The following FSIP2 variants were observed in gnomAD, a reference collection of about 807,000 sequenced individuals.
FSIP2 encodes the protein fibrous sheath-interacting protein 2.
FSIP2 carries 367 observed loss-of-function variants against 510.5 expected under a neutral mutation model. The ratio of observed to expected loss-of-function variants is 0.72; its 90% confidence interval spans 0.66 to 0.78. The LOEUF (loss-of-function observed/expected upper bound fraction) is 0.78, where lower values mean the gene tolerates loss of function less well. Ranked by LOEUF, FSIP2 falls within the 30% of genes least tolerant of loss-of-function variation. The pLI is 0.00. For synonymous variants in FSIP2, 2,601 were observed against 2,732.2 expected (o/e 0.95, Z 1.50); for missense variants, 7,594 against 7,901.7 (o/e 0.96, Z 1.48).
chr2:185,758,148 A>G (rs1288846565), intron 9 of FSIP2, among the ~76,000 whole-genome samples: 2 of 151,326 alleles, frequency 1.3e-5, no homozygotes, highest in African/African-American at 2.4e-5. Context: ...AATTCATCCA[A>G]GTTACAGCAT....
At position 185,791,615 on chromosome 2, in the gene FSIP2, A is replaced by C. The variant is rs964274988; in HGVS notation, c.4479A>C (p.Ala1493=). ...ISKAILDYIL[A]KLCGVDMDTS... ...AAGCAATTTTGGATTATATCCTTGC[A>C]AAATTATGTGGTGTTGACATGGATA... The change falls in exon 16 of 23, where the codon GCA becomes GCC. Residue 1493 remains alanine, a synonymous_variant. Transcript: ENST00000424728. The C allele has an allele frequency of 4.6e-6, 7 of 1,534,100 alleles. No individual in the cohort carries two copies. In the African/African-American group the frequency reaches 8.2e-5, roughly 18 times the overall value.
chr2:185,790,258 C>A lies in FSIP2; in HGVS notation c.3122C>A (p.Thr1041Asn), dbSNP rs1230092931. The A allele has an allele frequency of 6.5e-7, 1 of 1,533,020 alleles. No individual in the cohort carries two copies. The highest frequency in any genetic ancestry group is 1.4e-5 in the African/African-American group (1 of 72,890). The allele number at this position is 1,533,020 out of a possible 1,614,324, so 95.0% of individuals were successfully genotyped here. A position where few individuals can be genotyped will look rare whatever the true frequency, so the allele number is the denominator to read the frequency against. Residue 1041 changes from threonine (T) to asparagine (N), a missense_variant, in exon 16 of 23, where the codon ACT becomes AAT. Transcript: ENST00000424728. Reference sequence around the variant, plus strand: ...AATCATTGGTTTACAAAGGGAAACACTTGTTTTGAATGCAAAAGAAATATC... The same window carrying A: ...AATCATTGGTTTACAAAGGGAAACAATTGTTTTGAATGCAAAAGAAATATC... The part of the protein sequence containing the change: ...IPNHWFTKGN[T>N]CFECKRNIKP...
chr2:185,813,906 C>A lies in FSIP2; in HGVS notation c.20189C>A (p.Thr6730Asn), dbSNP rs17826666. Residue 6730 changes from threonine to asparagine, a missense_variant, in exon 18 of 23, where the codon ACT becomes AAT. Transcript: ENST00000424728. ...QTTASANIES[T>N]EAISNQVIES... Reference sequence around the variant, plus strand: ...ACAGCCAGTGCAAATATTGAAAGTACTGAAGCAATCTCAAATCAGGTAATA... The same window carrying A: ...ACAGCCAGTGCAAATATTGAAAGTAATGAAGCAATCTCAAATCAGGTAATA... 4.3e-6 allele frequency: 7 copies of A among 1,613,528 alleles called. No homozygotes were observed. The highest frequency in any genetic ancestry group is 5.9e-6 in the Non-Finnish European group (7 of 1,179,774).
At position 185,739,032 on chromosome 2, in the gene FSIP2, G is replaced by A. The variant is rs1316591178; in HGVS notation, c.99+39G>A. The A allele has an allele frequency of 2.0e-6, 3 of 1,518,072 alleles. No individual in the cohort carries two copies. The Admixed American group carries it at 6.1e-5, about 31-fold the overall frequency. 94.0% of individuals were successfully genotyped at this position (1,518,072 alleles called of 1,614,324 possible). A position where few individuals can be genotyped will look rare whatever the true frequency, so the allele number is the denominator to read the frequency against. ...AGCTGGGCGGCGTCGCCCTCTGGCG[G>A]CCGCAGGCCTGCTGGGGAGCGGGGC... On this transcript the variant is annotated intron_variant, in intron 1 of 22. Transcript: ENST00000424728.
At chr2:185,780,916 G>A in intron 13 of FSIP2, among the ~76,000 whole-genome samples, 1 of 152,136 alleles carries the variant, frequency 6.6e-6, no homozygotes, top group Non-Finnish European at 1.5e-5. Flanking sequence ...GGACAATACA[G>A]TTTCTGTGGA....
At chr2:185,751,825 A>T (rs984599963) in intron 7 of FSIP2, among the ~76,000 whole-genome samples, 7 of 151,072 alleles carry the variant, frequency 4.6e-5, no homozygotes, top group African/African-American at 1.2e-4. Flanking sequence ...ACCATTTCAC[A>T]TATAGTATAA....
rs553730437 is a variant in FSIP2 at position 185,830,643 on chromosome 2, T to C, written c.20518-1170T>C. ...TTCTTATGCTGTATTATTTATGGAA[T>C]AATGACAAGAACAATAAGTCTATAC... On this transcript the variant is annotated intron_variant, in intron 21 of 22. Coordinates refer to ENST00000424728, the MANE Select transcript of FSIP2 (RefSeq NM_173651.4). 1.7e-3 allele frequency among the ~76,000 whole-genome samples: 265 copies of C among 152,072 alleles called. 2 individuals are homozygous for C. Among genetic ancestry groups the C allele is most frequent in the Non-Finnish European group, 2.7e-3 (185 of 67,922 alleles).
chr2:185,753,162 T>G (rs1052306991), intron 7 of FSIP2, among the ~76,000 whole-genome samples: 1 of 151,522 alleles, frequency 6.6e-6, no homozygotes, highest in Middle Eastern at 3.4e-3. Context: ...GACTGTTTTC[T>G]CCAGTCCTTT....
In FSIP2 at chr2:185,791,886, G is replaced by T. The variant is rs943224251; in HGVS notation, c.4750G>T (p.Asp1584Tyr). ...HPNKLKAVASDILNMVFAKLE... is the reference protein window; with the variant it reads ...HPNKLKAVASYILNMVFAKLE... Reference sequence around the variant, plus strand: ...AAATAAACTAAAAGCTGTAGCTTCAGATATTCTTAATATGGTTTTTGCTAA... The same window carrying T: ...AAATAAACTAAAAGCTGTAGCTTCATATATTCTTAATATGGTTTTTGCTAA... The change falls in exon 16 of 23, where the codon GAT becomes TAT. Residue 1584 changes from aspartate (D) to tyrosine (Y), a missense_variant. Transcript: ENST00000424728. 1.3e-6 allele frequency: 2 copies of T among 1,533,950 alleles called. No homozygotes were observed. The highest frequency in any genetic ancestry group is 2.0e-5 in the Admixed American group (1 of 50,848).
intron 9 of FSIP2, among the ~76,000 whole-genome samples, chr2:185,758,168 G>C (rs1692280193): frequency 6.6e-6 from 1 of 151,174 alleles, no homozygotes; most frequent in African/African-American, 2.4e-5. Flanking sequence ...TGTGTCAATA[G>C]TTTGTTCCTT....
At chr2:185,783,381 G>A (rs973260408) in intron 14 of FSIP2, among the ~76,000 whole-genome samples, 1 of 152,090 alleles carries the variant, frequency 6.6e-6, no homozygotes, top group African/African-American at 2.4e-5. Flanking sequence ...TAATGGCAGT[G>A]AGCTTTGTAT....
rs1305194658 is a variant in FSIP2 at position 185,813,971 on chromosome 2, C to T, written c.20254C>T (p.Leu6752Phe). 6.2e-7 allele frequency: 1 copy of T among 1,613,312 alleles called. No homozygotes were observed. The highest frequency in any genetic ancestry group is 1.3e-5 in the African/African-American group (1 of 74,870). ...ETHVKRAVAE[L>F]DMATPKTMPE... ...ACATGTTAAAAGAGCTGTTGCTGAGCTTGACATGGCCACACCAAAGACGAT... is the reference window on the plus strand; with the variant it reads ...ACATGTTAAAAGAGCTGTTGCTGAGTTTGACATGGCCACACCAAAGACGAT... Residue 6752 changes from leucine to phenylalanine, a missense_variant, in exon 18 of 23, where the codon CTT (leucine) becomes TTT (phenylalanine). Coordinates refer to ENST00000424728, the MANE Select transcript of FSIP2 (RefSeq NM_173651.4).
In FSIP2 at chr2:185,812,054, T is replaced by C. The variant is rs184560548; in HGVS notation, c.19828-1491T>C. ...CACAGAGTCTCCACTGGGGCACTGC[T>C]TAGTGCAGTTGTTGGAAGAAAGTCT... On this transcript the variant is annotated intron_variant, in intron 17 of 22. Transcript: ENST00000424728. Among the ~76,000 whole-genome samples the C allele has an allele frequency of 7.9e-5, 12 of 152,216 alleles. No homozygotes were observed. The East Asian group carries it at 2.3e-3, about 30-fold the overall frequency.
In FSIP2 at chr2:185,801,262, A is replaced by C. The variant is rs761030328; in HGVS notation, c.11956A>C (p.Asn3986His). Reference protein sequence around the residue: ...LEGIISELFFNLSMSLWGKNK... With the variant: ...LEGIISELFFHLSMSLWGKNK... ...AGGAATAATTTCAGAATTGTTTTTTAATCTCTCTATGTCATTGTGGGGCAA... is the reference window on the plus strand; with the variant it reads ...AGGAATAATTTCAGAATTGTTTTTTCATCTCTCTATGTCATTGTGGGGCAA... The change falls in exon 17 of 23, where the codon AAT (asparagine) becomes CAT (histidine). Residue 3986 changes from asparagine (N) to histidine (H), a missense_variant. Asn to His is a moderately conservative substitution (Grantham distance 68, BLOSUM62 1). Transcript: ENST00000424728. 20 of 1,533,930 alleles carry C rather than the reference A, an allele frequency of 1.3e-5. No individual in the cohort carries two copies. The Admixed American group carries it at 2.2e-4, about 17-fold the overall frequency.
chr2:185,805,522 T>C lies in FSIP2; in HGVS notation c.16216T>C (p.Phe5406Leu), dbSNP rs749916299. 6.2e-7 allele frequency: 1 copy of C among 1,611,532 alleles called. No homozygotes were observed. The highest frequency in any genetic ancestry group is 8.5e-7 in the Non-Finnish European group (1 of 1,178,404). The stretch of plus-strand genomic sequence containing the variant: ...TTTTTCAGGAGACTGGTCTTCCACC[T>C]TCTTTTCATTTCTAAATCCAGATAA... Reference protein sequence around the residue: ...PLFSGDWSSTFFSFLNPDNIT... With the variant: ...PLFSGDWSSTLFSFLNPDNIT... The change falls in exon 17 of 23, where the codon TTC becomes CTC. Residue 5406 changes from phenylalanine to leucine, a missense_variant. Transcript: ENST00000424728.
chr2:185,822,858 T>G (rs1222153787), intron 19 of FSIP2, among the ~76,000 whole-genome samples: 1 of 151,884 alleles, frequency 6.6e-6, no homozygotes, highest in African/African-American at 2.4e-5. Context: ...AAGACAGACT[T>G]ATAAAGCAAA....
intron 14 of FSIP2, among the ~76,000 whole-genome samples, chr2:185,785,071 T>C (rs776054419): frequency 3.3e-5 from 5 of 152,092 alleles, no homozygotes; most frequent in African/African-American, 1.2e-4. Flanking sequence ...AATGAATACA[T>C]AGAACTCCTT....
chr2:185,803,181 T>C lies in FSIP2; in HGVS notation c.13875T>C (p.Asp4625=), dbSNP rs1333456649. 1 of 1,532,574 alleles carries C rather than the reference T, an allele frequency of 6.5e-7. No individual in the cohort carries two copies. Among genetic ancestry groups the C allele is most frequent in the Non-Finnish European group, 8.7e-7 (1 of 1,144,758 alleles). The allele number at this position is 1,532,574 out of a possible 1,614,324, so 94.9% of individuals were successfully genotyped here. ...TSVYSSTFLE[D]VISGVLRKIF... is the part of the protein sequence containing the mutation. ...TTTACTCTTCAACATTCTTGGAAGA[T>C]GTAATCTCTGGGGTTTTAAGAAAAA... Residue 4625 remains aspartate, a synonymous_variant, in exon 17 of 23, where the codon GAT becomes GAC. Transcript: ENST00000424728.
rs558541613 is a variant in FSIP2 at position 185,791,078 on chromosome 2, G to A, written c.3942G>A (p.Lys1314=). Residue 1314 remains lysine, a synonymous_variant, in exon 16 of 23, where the codon AAG becomes AAA. Transcript: ENST00000424728. ...TCCAGAATGAACTGGAACTTCACAA[G>A]GAAAACCTAAATCTTAGGGAGATTG... ...CAIQNELELH[K]ENLNLREIDH... 2 of 1,531,752 alleles carry A rather than the reference G, an allele frequency of 1.3e-6. No individual in the cohort carries two copies. Among genetic ancestry groups the A allele is most frequent in the African/African-American group, 2.7e-5 (2 of 72,774 alleles). The allele number at this position is 1,531,752 out of a possible 1,614,324, so 94.9% of individuals were successfully genotyped here. A position where few individuals can be genotyped will look rare whatever the true frequency, so the allele number is the denominator to read the frequency against.
Sources: allele counts gnomAD v4.1 joint callset (sites outside exome capture counted in the v4.1 genomes callset), GRCh38; gene constraint gnomAD v4.1.1; transcripts MANE v1.5; gene names NCBI Gene and HGNC (gene_info 2026-07-23, HGNC 2026-07-21).